WDR36: variants seen among roughly 807,000 people sequenced by gnomAD.
The protein encoded by WDR36 is WD repeat domain 36.
In WDR36, 63 loss-of-function variants were observed where a neutral mutation model predicts 112.7. The ratio of observed to expected loss-of-function variants is 0.56; its 90% CI spans 0.46 to 0.69. WDR36 has a LOEUF of 0.69. WDR36 is among the 30% of genes least tolerant of loss of function. The pLI is 0.00. For missense variants in WDR36, 1,226 were observed against 1,070.3 expected, an observed-to-expected ratio of 1.15 and a Z score of -2.03; for synonymous variants, 410 against 362.2, an observed-to-expected ratio of 1.13 and a Z score of -1.50.
intron 15 of WDR36, 164 bp downstream of exon 15, chr5:111,111,442 T>A: frequency 1.6e-6 from 1 of 634,712 alleles, no homozygotes; most frequent in Non-Finnish European, 2.8e-6. Context: ...AAGTTTAATA[T>A]TTTTCAGGGA....
chr5:111,124,350 TAA>T, intron 21 of WDR36, among the ~76,000 whole-genome samples, 161 bp downstream of exon 21: 1 of 152,146 alleles, frequency 6.6e-6, no homozygotes, highest in East Asian at 1.9e-4. Flanking sequence ...GCATTTATAT[TAA>T]ATAAGCCCAC....
chr5:111,103,402 A>C (rs1753160468), intron 6 of WDR36, among the ~76,000 whole-genome samples: 1 of 151,784 alleles, frequency 6.6e-6, no homozygotes, highest in Non-Finnish European at 1.5e-5. Flanking sequence ...GTTGCCACAC[A>C]TAGCGCAAGC....
chr5:111,103,954 A>G (rs751145849), intron 7 of WDR36, 36 bp downstream of exon 7: 2 of 1,607,536 alleles, frequency 1.2e-6, no homozygotes, highest in African/African-American at 2.7e-5. Flanking sequence ...GGAGTTAAGA[A>G]CACTTAAAAT....
At chr5:111,104,553 A>T in intron 8 of WDR36, 144 bp from the exon 9 acceptor site, 1 of 1,396,302 alleles carries the variant, frequency 7.2e-7, no homozygotes, top group Non-Finnish European at 1.0e-6. Context: ...TTCTCCCCCA[A>T]TACCCACTCC....
At position 111,111,216 on chromosome 5, in the gene WDR36, G is replaced by C. The variant is rs761312674; in HGVS notation, c.1654G>C (p.Asp552His). 6.2e-7 allele frequency: 1 copy of C among 1,611,840 alleles called. No homozygotes were observed. The highest frequency in any genetic ancestry group is 1.1e-5 in the South Asian group (1 of 91,056). ...GGATGACTTCTCCATTAGTGTTCTG[G>C]ACATAGAAACTAGGAAGATTGTCAG... ...ALDDFSISVLDIETRKIVREF... is the reference protein window; with the variant it reads ...ALDDFSISVLHIETRKIVREF... The change falls in exon 15 of 23, where the codon GAC becomes CAC. Residue 552 changes from aspartate to histidine, a missense_variant. Physicochemically the swap from Asp to His is moderately conservative, Grantham distance 81. Coordinates refer to ENST00000513710, the MANE Select transcript of WDR36 (RefSeq NM_139281.3).
chr5:111,105,438 T>C, intron 10 of WDR36, 78 bp downstream of exon 10: 1 of 1,322,664 alleles, frequency 7.6e-7, no homozygotes, highest in Admixed American at 1.7e-5. Flanking sequence ...GGAGGAAGTT[T>C]CATCAATGCA....
chr5:111,097,191 T>C lies in WDR36; in HGVS notation c.291+12T>C. 1.3e-6 allele frequency: 2 copies of C among 1,588,042 alleles called. No homozygotes were observed. The highest frequency in any genetic ancestry group is 2.2e-5 in the South Asian group (2 of 90,568). On this transcript the variant is annotated intron_variant, in intron 3 of 22. Coordinates refer to ENST00000513710, the MANE Select transcript of WDR36 (RefSeq NM_139281.3). Reference sequence around the variant, plus strand: ...CCCGTAATAAAGAGGTTGGTATCGCTAAACTACTTGTTTGTCAGTCAGTAT... The same window carrying C: ...CCCGTAATAAAGAGGTTGGTATCGCCAAACTACTTGTTTGTCAGTCAGTAT...
At position 111,121,145 on chromosome 5, in the gene WDR36, A is replaced by G; in HGVS notation, c.2148+4A>G. On this transcript the variant is annotated splice_donor_region_variant and intron_variant, in intron 19 of 22. Transcript: ENST00000513710. ...TCTTAACCTTGATGTTATTAAGGTA[A>G]TAATTAACATTCTTTATAGACCCTA... 1 of 1,613,406 alleles carries G rather than the reference A, an allele frequency of 6.2e-7. No homozygotes were observed. The highest frequency in any genetic ancestry group is 1.7e-4 in the Middle Eastern group (1 of 6,054).
At chr5:111,118,575 C>A (rs1753502573) in intron 16 of WDR36, among the ~76,000 whole-genome samples, 1 of 152,064 alleles carries the variant, frequency 6.6e-6, no homozygotes, top group Non-Finnish European at 1.5e-5. Flanking sequence ...TTATTTACAT[C>A]CATTTTGTTA....
intron 20 of WDR36, 44 bp from the exon 21 acceptor site, chr5:111,124,064 G>T: frequency 6.2e-7 from 1 of 1,603,910 alleles, no homozygotes; most frequent in South Asian, 1.1e-5. Context: ...ATTTTTGGGT[G>T]ATACTTGAAT....
Position 111,113,171 on chromosome 5 carries a change from A to T in WDR36, c.1796+18A>T, listed in dbSNP as rs747357974. Reference sequence around the variant, plus strand: ...TCTGGGTGGTAAGTTTATATTTCTAATTCCCTAACCTCTATAAGATTTCTA... The same window carrying T: ...TCTGGGTGGTAAGTTTATATTTCTATTTCCCTAACCTCTATAAGATTTCTA... On this transcript the variant is annotated intron_variant, in intron 16 of 22. Transcript: ENST00000513710. The T allele has an allele frequency of 2.1e-6, 3 of 1,453,844 alleles. No homozygotes were observed. The highest frequency in any genetic ancestry group is 1.4e-5 in the African/African-American group (1 of 70,950). The allele number at this position is 1,453,844 out of a possible 1,614,324, so 90.1% of individuals were successfully genotyped here.
chr5:111,099,547 A>T (rs1580391555), intron 4 of WDR36, among the ~76,000 whole-genome samples: 1 of 143,836 alleles, frequency 7.0e-6, no homozygotes. Flanking sequence ...CAGATTAGTA[A>T]CCCTTTTCTT....
chr5:111,103,739 A>G (rs750725084), intron 6 of WDR36, 47 bp from the exon 7 acceptor site: 1 of 1,606,158 alleles, frequency 6.2e-7, no homozygotes. Flanking sequence ...GGATTATTAA[A>G]GCTATTTTGC....
chr5:111,097,036 A>T, intron 2 of WDR36, 43 bp from the exon 3 acceptor site: 1 of 1,451,604 alleles, frequency 6.9e-7, no homozygotes, highest in Non-Finnish European at 9.7e-7. Context: ...TCTCTTTAAC[A>T]TCTTAAAAAT....
Position 111,126,849 on chromosome 5 carries a change from G to A in WDR36, c.2654G>A (p.Cys885Tyr). 1.9e-6 allele frequency: 3 copies of A among 1,609,990 alleles called. No homozygotes were observed. Among genetic ancestry groups the A allele is most frequent in the Non-Finnish European group, 1.7e-6 (2 of 1,178,816 alleles). ...CAATCACTCTTCAATCAAAGCATGT[G>A]TATTTTAAATTATCTCAAAAGTGCT... Reference protein sequence around the residue: ...HLQSLFNQSMCILNYLKSALL With the variant: ...HLQSLFNQSMYILNYLKSALL Residue 885 changes from cysteine (C) to tyrosine (Y), a missense_variant, in exon 23 of 23, where the codon TGT becomes TAT. Transcript: ENST00000513710.
chr5:111,127,492 G>C lies in WDR36; in HGVS notation c.*609G>C, dbSNP rs931815438. 4.8e-6 allele frequency: 1 copy of C among 207,726 alleles called. No individual in the cohort carries two copies. Among genetic ancestry groups the C allele is most frequent in the Non-Finnish European group, 9.8e-6 (1 of 101,776 alleles). 12.9% of individuals were successfully genotyped at this position (207,726 alleles called of 1,614,324 possible). On this transcript the variant is annotated 3_prime_UTR_variant, in exon 23 of 23. Transcript: ENST00000513710. The stretch of plus-strand genomic sequence containing the variant: ...TAAAAATATGAATGATTGACTCTCA[G>C]AGTTGGAGGATAAACTAATCATCTT...
rs1753721292 is a variant in WDR36, at chr5:111,128,503, C to T, written c.*1620C>T. ...TTTCCTCTTTCCTAAATACTATATT[C>T]TAAATTGGAATATGGCAAAATCCCA... is the stretch of plus-strand genomic sequence containing the variant. On this transcript the variant is annotated 3_prime_UTR_variant, in exon 23 of 23. Coordinates refer to ENST00000513710, the MANE Select transcript of WDR36 (RefSeq NM_139281.3). 1 of 179,582 alleles carries T rather than the reference C, an allele frequency of 5.6e-6. No homozygotes were observed. Among genetic ancestry groups the T allele is most frequent in the South Asian group, 2.0e-4 (1 of 5,046 alleles). 11.1% of individuals were successfully genotyped at this position (179,582 alleles called of 1,614,324 possible).
Position 111,123,833 on chromosome 5 carries a change from A to T in WDR36, c.2177A>T (p.Lys726Ile). Residue 726 changes from lysine to isoleucine, a missense_variant, in exon 20 of 23, where the codon AAA becomes ATA. Coordinates refer to ENST00000513710, the MANE Select transcript of WDR36 (RefSeq NM_139281.3). ...KKKNKPKEPP[K>I]VPKSAPFFIP... ...AAGAATAAACCAAAGGAACCACCCA[A>T]AGTACCCAAATCAGCACCATTTTTC... 3 of 1,613,866 alleles carry T rather than the reference A, an allele frequency of 1.9e-6. No homozygotes were observed. Among genetic ancestry groups the T allele is most frequent in the Non-Finnish European group, 2.5e-6 (3 of 1,179,890 alleles).
intron 16 of WDR36, among the ~76,000 whole-genome samples, chr5:111,113,557 C>G (rs1233010959): frequency 6.6e-6 from 1 of 152,018 alleles, no homozygotes; most frequent in Admixed American, 6.6e-5. Flanking sequence ...TTTTGTATGT[C>G]TCTTCTGCTT....
Sources: gnomAD v4.1 joint callset for allele counts (sites outside exome capture counted in the v4.1 genomes callset) on GRCh38, gnomAD v4.1.1 for gene constraint, MANE v1.5 for transcripts, NCBI Gene and HGNC (gene_info 2026-07-23, HGNC 2026-07-21) for gene names.